Variants in SHISA9 observed in about 807,000 individuals in gnomAD.
SHISA9 encodes shisa family member 9, also known as protein shisa-9.
In SHISA9, 13 loss-of-function variants were observed where a neutral mutation model predicts 38.0. The ratio of observed to expected loss-of-function variants is 0.34; its 90% confidence interval spans 0.22 to 0.54. The LOEUF is 0.54. Ranked by LOEUF, SHISA9 falls within the 20% of genes least tolerant of loss-of-function variation. The pLI is 0.91. For synonymous variants in SHISA9, 275 were observed against 242.0 expected, an observed-to-expected ratio of 1.14 and a Z score of -1.27; for missense variants, 538 against 575.8, an observed-to-expected ratio of 0.93 and a Z score of 0.67.
the SHISA9 span, among the ~76,000 whole-genome samples, chr16:13,305,196 C>T: frequency 8.5e-5 from 13 of 152,316 alleles, no homozygotes; most frequent in Admixed American, 2.6e-4. Context: ...CCCCTGGGGA[C>T]GCTGAGTTTG....
chr16:13,456,441 G>T, the SHISA9 span, among the ~76,000 whole-genome samples: 1 of 152,300 alleles, frequency 6.6e-6, no homozygotes, highest in Admixed American at 6.5e-5. Flanking sequence ...TTTGGACAGA[G>T]AAATGAATGA....
intron 2 of SHISA9, among the ~76,000 whole-genome samples, chr16:12,925,309 C>G (rs1419215347): frequency 4.6e-5 from 7 of 152,254 alleles, no homozygotes; most frequent in African/African-American, 1.7e-4. Context: ...TCTTCTCTTT[C>G]CACTTAAAAC....
chr16:13,291,935 T>C, the SHISA9 span, among the ~76,000 whole-genome samples: 6 of 152,256 alleles, frequency 3.9e-5, no homozygotes, highest in Admixed American at 3.9e-4. Flanking sequence ...CAGTGTTTTT[T>C]TACCTTTTGG....
chr16:13,553,014 C>G, the SHISA9 span, among the ~76,000 whole-genome samples: 1 of 152,058 alleles, frequency 6.6e-6, no homozygotes, highest in Non-Finnish European at 1.5e-5. Flanking sequence ...CAATGCTGGC[C>G]TCTGCAATCT....
At chr16:13,303,794 T>G in the SHISA9 span, among the ~76,000 whole-genome samples, 1 of 152,190 alleles carries the variant, frequency 6.6e-6, no homozygotes, top group Non-Finnish European at 1.5e-5. Context: ...AATTACTCTC[T>G]TAATATGATT....
the SHISA9 span, among the ~76,000 whole-genome samples, chr16:13,319,301 C>T: frequency 6.6e-6 from 1 of 152,180 alleles, no homozygotes; most frequent in Non-Finnish European, 1.5e-5. Context: ...TGAGCCACCA[C>T]ACCTGGCCAA....
At chr16:13,543,936 G>A in the SHISA9 span, among the ~76,000 whole-genome samples, 1 of 152,124 alleles carries the variant, frequency 6.6e-6, no homozygotes, top group African/African-American at 2.4e-5. Flanking sequence ...GAATTGCAGG[G>A]CTAGGCTTAA....
At chr16:13,552,771 C>G in the SHISA9 span, among the ~76,000 whole-genome samples, 1 of 151,666 alleles carries the variant, frequency 6.6e-6, no homozygotes, top group Non-Finnish European at 1.5e-5. Flanking sequence ...ATAGCCAGAC[C>G]CACTTCACAA....
At chr16:13,038,568 G>A (rs2073099933) in intron 2 of SHISA9, among the ~76,000 whole-genome samples, 1 of 152,148 alleles carries the variant, frequency 6.6e-6, no homozygotes, top group Admixed American at 6.5e-5. Flanking sequence ...TAGAACGCTT[G>A]CATCCTTCTC....
chr16:13,340,525 T>A, the SHISA9 span, among the ~76,000 whole-genome samples: 1 of 152,172 alleles, frequency 6.6e-6, no homozygotes, highest in Non-Finnish European at 1.5e-5. Context: ...AGACACATGA[T>A]CAAAACTGTC....
At chr16:13,428,389 C>A in the SHISA9 span, among the ~76,000 whole-genome samples, 1 of 152,034 alleles carries the variant, frequency 6.6e-6, no homozygotes, top group Non-Finnish European at 1.5e-5. Context: ...AATGGATGAC[C>A]AAAAAGCTGT....
rs2071628123 is a variant in SHISA9, at chr16:12,942,780, A to G, written c.691+25965A>G. Among the ~76,000 whole-genome samples the G allele has an allele frequency of 2.0e-5, 3 of 151,516 alleles. No individual in the cohort carries two copies. In the South Asian group the frequency reaches 6.2e-4, roughly 31 times the overall value. On this transcript the variant is annotated intron_variant, in intron 2 of 4. Coordinates refer to ENST00000558583, the MANE Select transcript of SHISA9 (RefSeq NM_001145204.3). Reference sequence around the variant, plus strand: ...GCTTTCTGTTTTCCATTTTGCTCTCATCTTGGCATATGCCCTGTAGTATGC... The same window carrying G: ...GCTTTCTGTTTTCCATTTTGCTCTCGTCTTGGCATATGCCCTGTAGTATGC...
At chr16:13,216,915 C>T (rs1359009966) in intron 4 of SHISA9, among the ~76,000 whole-genome samples, 1 of 152,130 alleles carries the variant, frequency 6.6e-6, no homozygotes, top group Admixed American at 6.5e-5. Context: ...GATCCACCCA[C>T]GCCCAGCCTT....
the SHISA9 span, among the ~76,000 whole-genome samples, chr16:13,399,626 C>T: frequency 1.3e-5 from 2 of 152,306 alleles, no homozygotes; most frequent in South Asian, 2.1e-4. Context: ...CCGTGGCTTT[C>T]TTGCATTTCA....
chr16:13,396,601 T>C, the SHISA9 span, among the ~76,000 whole-genome samples: 8 of 152,184 alleles, frequency 5.3e-5, no homozygotes, highest in African/African-American at 1.4e-4. Flanking sequence ...GTTGCCTAAA[T>C]AGAGTGGTTG....
chr16:12,914,650 T>C (rs1171296625), intron 1 of SHISA9, among the ~76,000 whole-genome samples: 4 of 152,162 alleles, frequency 2.6e-5, no homozygotes, highest in African/African-American at 9.7e-5. Flanking sequence ...AAAGTCCCTA[T>C]GTAATCTCTG....
chr16:12,984,569 G>T (rs2072282552), intron 2 of SHISA9, among the ~76,000 whole-genome samples: 1 of 152,136 alleles, frequency 6.6e-6, no homozygotes, highest in Non-Finnish European at 1.5e-5. Context: ...TGGTTCTTGA[G>T]GTGATCTTCA....
At chr16:13,191,401 G>A (rs748093523) in intron 2 of SHISA9, among the ~76,000 whole-genome samples, 3 of 152,160 alleles carry the variant, frequency 2.0e-5, no homozygotes, top group African/African-American at 4.8e-5. Flanking sequence ...TTTCCTCATG[G>A]CCACCTGTTA....
the SHISA9 span, among the ~76,000 whole-genome samples, chr16:13,360,032 G>A: frequency 6.6e-6 from 1 of 152,188 alleles, no homozygotes; most frequent in African/African-American, 2.4e-5. Flanking sequence ...GTACCTTGGG[G>A]AACTTGACTT....
Sources: allele counts gnomAD v4.1 joint callset (sites outside exome capture counted in the v4.1 genomes callset), GRCh38; gene constraint gnomAD v4.1.1; transcripts MANE v1.5; gene names NCBI Gene and HGNC (gene_info 2026-07-23, HGNC 2026-07-21).